Variants in XRN1 observed in about 807,000 individuals in gnomAD.
XRN1 encodes 5'-3' exoribonuclease 1, also known as strand-exchange protein 1 homolog.
XRN1 carries 67 observed loss-of-function variants against 222.3 expected under a neutral mutation model. The observed-to-expected ratio is 0.30, with a 90% CI of 0.25 to 0.37. XRN1 has a LOEUF of 0.37. XRN1 is among the 10% of genes least tolerant of loss of function. XRN1 has a pLI of 1.00. For synonymous variants in XRN1, 643 were observed against 652.4 expected, an observed-to-expected ratio of 0.99 and a Z score of 0.22; for missense variants, 1,707 against 2,000.2, an observed-to-expected ratio of 0.85 and a Z score of 2.80.
intron 20 of XRN1, among the ~76,000 whole-genome samples, chr3:142,394,087 A>G (rs1027242390): frequency 6.6e-6 from 1 of 152,176 alleles, no homozygotes; most frequent in Non-Finnish European, 1.5e-5. Flanking sequence ...TTGGCCTCCC[A>G]AAGTGCTGGG....
intron 37 of XRN1, among the ~76,000 whole-genome samples, chr3:142,320,045 A>C (rs2065311571): frequency 6.6e-6 from 1 of 152,190 alleles, no homozygotes; most frequent in Non-Finnish European, 1.5e-5. Flanking sequence ...ATACAAATGC[A>C]GGCATACTTT....
chr3:142,385,332 C>T (rs2067456512), intron 20 of XRN1, among the ~76,000 whole-genome samples: 1 of 152,158 alleles, frequency 6.6e-6, no homozygotes, highest in Non-Finnish European at 1.5e-5. Flanking sequence ...TGTGTATGAA[C>T]TTCGAAAGCA....
intron 32 of XRN1, among the ~76,000 whole-genome samples, chr3:142,349,818 G>C (rs1244086574): frequency 6.6e-6 from 1 of 152,158 alleles, no homozygotes; most frequent in Non-Finnish European, 1.5e-5. Flanking sequence ...GATAAAACAT[G>C]AGAGTGTTCA....
intron 15 of XRN1, among the ~76,000 whole-genome samples, chr3:142,406,472 T>C (rs1034294328): frequency 1.3e-5 from 2 of 152,208 alleles, no homozygotes; most frequent in African/African-American, 4.8e-5. Flanking sequence ...ACTGCTGACA[T>C]GGCTGAATTA....
chr3:142,390,852 C>A (rs2107975078), intron 20 of XRN1, among the ~76,000 whole-genome samples: 1 of 152,234 alleles, frequency 6.6e-6, no homozygotes, highest in East Asian at 1.9e-4. Flanking sequence ...CTTCCTTTCA[C>A]TTGACTACTT....
intron 15 of XRN1, among the ~76,000 whole-genome samples, chr3:142,406,772 C>A (rs911575908): frequency 2.0e-5 from 3 of 151,976 alleles, no homozygotes; most frequent in African/African-American, 7.3e-5. Context: ...AGGCAATCCT[C>A]CCAAAGTGTT....
At position 142,375,954 on chromosome 3, in the gene XRN1, A is replaced by G; in HGVS notation, c.2832-10T>C. On this transcript the variant is annotated splice_polypyrimidine_tract_variant and intron_variant, in intron 24 of 40. Transcript: ENST00000392981. ...ATGGTCTCCATGAGGGCTGAATTTAAACCACACATGCGCACACGTGCACAC... is the reference window on the plus strand; with the variant it reads ...ATGGTCTCCATGAGGGCTGAATTTAGACCACACATGCGCACACGTGCACAC... 6.2e-7 allele frequency: 1 copy of G among 1,606,562 alleles called. No homozygotes were observed. The highest frequency in any genetic ancestry group is 8.5e-7 in the Non-Finnish European group (1 of 1,177,940).
At chr3:142,397,507 A>G (rs762975598) in intron 19 of XRN1, 47 bp from the exon 20 acceptor site, 1 of 1,503,114 alleles carries the variant, frequency 6.7e-7, no homozygotes, top group South Asian at 1.3e-5. Flanking sequence ...TTCTGGTTTA[A>G]TATAGAGTTC....
chr3:142,367,618 T>C (rs887364325), intron 27 of XRN1, among the ~76,000 whole-genome samples: 4 of 152,042 alleles, frequency 2.6e-5, no homozygotes, highest in African/African-American at 7.2e-5. Context: ...TGATCATAGC[T>C]CACTGCAGCC....
chr3:142,437,574 A>C (rs556918890), intron 1 of XRN1, among the ~76,000 whole-genome samples: 19 of 152,190 alleles, frequency 1.2e-4, no homozygotes, highest in Non-Finnish European at 2.1e-4. Flanking sequence ...CTCTTTCTAC[A>C]TATCTTTACA....
At position 142,397,397 on chromosome 3, in the gene XRN1, A is replaced by T. The variant is rs571662704; in HGVS notation, c.2271T>A (p.Ser757=). Residue 757 remains serine, a synonymous_variant, in exon 20 of 41, where the codon TCT becomes TCA. Coordinates refer to ENST00000392981, the MANE Select transcript of XRN1 (RefSeq NM_001282857.2). ...CTTTATCTCCAAGATGAACCACTTT[A>T]GATGGTGGGGCAGTTCTTCCTGAAT... The part of the protein sequence containing the change: ...KLYSGRTAPP[S]KVVHLGDKEQ... The T allele has an allele frequency of 3.5e-4, 563 of 1,610,210 alleles. 6 individuals are homozygous for T. In the South Asian group the frequency reaches 5.9e-3, roughly 17 times the overall value.
chr3:142,315,500 G>T (rs552355912), intron 39 of XRN1, among the ~76,000 whole-genome samples: 1 of 148,908 alleles, frequency 6.7e-6, no homozygotes, highest in Non-Finnish European at 1.5e-5. Context: ...TACTAAAAAA[G>T]ATTTTCTTTT....
chr3:142,320,715 T>A lies in XRN1; in HGVS notation c.4405-1812A>T, dbSNP rs148455216. Among the ~76,000 whole-genome samples, 346 of 152,296 alleles carry A rather than the reference T, an allele frequency of 2.3e-3. 1 individual carries two copies. Among genetic ancestry groups the A allele is most frequent in the African/African-American group, 7.9e-3 (328 of 41,578 alleles). On this transcript the variant is annotated intron_variant, in intron 37 of 40. Transcript: ENST00000392981. ...TACATTTAAGACTCATTTCATGAGT[T>A]CTCTATATATTCCAGATATTTTTTA... is the stretch of plus-strand genomic sequence containing the variant.
At chr3:142,422,805 T>C in intron 7 of XRN1, 30 bp downstream of exon 7, 1 of 1,602,406 alleles carries the variant, frequency 6.2e-7, no homozygotes, top group Non-Finnish European at 8.5e-7. Flanking sequence ...GCAATGGAAA[T>C]CCTTGGTCCA....
At chr3:142,387,344 G>A (rs958945341) in intron 20 of XRN1, among the ~76,000 whole-genome samples, 6 of 152,138 alleles carry the variant, frequency 3.9e-5, no homozygotes, top group Non-Finnish European at 8.8e-5. Flanking sequence ...GGATGGTAAT[G>A]GATAAAAGGG....
At chr3:142,403,802 A>C in intron 17 of XRN1, 30 bp from the exon 18 acceptor site, 3 of 1,610,138 alleles carry the variant, frequency 1.9e-6, no homozygotes, top group Non-Finnish European at 2.5e-6. Context: ...ATTTAATTTT[A>C]ATTCTTTCTC....
chr3:142,415,323 G>A (rs76364769), intron 13 of XRN1, among the ~76,000 whole-genome samples: 12,149 of 151,918 alleles, frequency 0.08, 1,634 homozygotes, highest in African/African-American at 0.28. Context: ...TAATTATGGC[G>A]TACATTTCAA....
rs2065064384 is a variant in XRN1, at chr3:142,311,070, G to A, written c.*441C>T. On this transcript the variant is annotated 3_prime_UTR_variant, in exon 41 of 41. Transcript: ENST00000392981. The stretch of plus-strand genomic sequence containing the variant: ...GAGAAATAAAATCCACATTCAGTAA[G>A]TTATACTGGAGGCCCAAATTTCATG... The A allele has an allele frequency of 6.5e-6, 1 of 153,038 alleles. No homozygotes were observed. The highest frequency in any genetic ancestry group is 6.5e-5 in the Admixed American group (1 of 15,340). The allele number at this position is 153,038 out of a possible 1,614,324, so 9.5% of individuals were successfully genotyped here.
At chr3:142,316,732 C>T (rs1344035240) in intron 39 of XRN1, among the ~76,000 whole-genome samples, 1 of 152,108 alleles carries the variant, frequency 6.6e-6, no homozygotes, top group Non-Finnish European at 1.5e-5. Flanking sequence ...TTCTTTTAAA[C>T]TACTGCTTTG....
Sources: allele counts gnomAD v4.1 joint callset (sites outside exome capture counted in the v4.1 genomes callset), GRCh38; gene constraint gnomAD v4.1.1; transcripts MANE v1.5; gene names NCBI Gene and HGNC (gene_info 2026-07-23, HGNC 2026-07-21).